Variants in NAALADL2 observed in about 807,000 individuals in gnomAD.
The protein encoded by NAALADL2 is inactive N-acetylated-alpha-linked acidic dipeptidase-like protein 2.
In NAALADL2, 76 loss-of-function variants were observed where a neutral mutation model predicts 87.2. That is an observed-to-expected ratio of 0.87 (90% CI 0.72 to 1.05). The LOEUF (loss-of-function observed/expected upper bound fraction) is 1.05. Ranked by LOEUF, NAALADL2 falls within the 50% of genes least tolerant of loss-of-function variation. NAALADL2 has a pLI of 0.00. For synonymous variants in NAALADL2, 354 were observed against 331.0 expected (o/e 1.07, Z -0.75); for missense variants, 1,089 against 945.8 (o/e 1.15, Z -1.99).
chr3:175,371,298 C>T (rs1482437696), intron 5 of NAALADL2, among the ~76,000 whole-genome samples: 3 of 151,910 alleles, frequency 2.0e-5, no homozygotes, highest in African/African-American at 7.2e-5. Flanking sequence ...ACGGAGTACT[C>T]GCTCTTTCGC....
chr3:175,462,653 G>T (rs1723320342), intron 6 of NAALADL2, among the ~76,000 whole-genome samples: 1 of 152,080 alleles, frequency 6.6e-6, no homozygotes, highest in South Asian at 2.1e-4. Context: ...TCCCAACCCA[G>T]ACTTCTCAGG....
intron 9 of NAALADL2, among the ~76,000 whole-genome samples, chr3:175,512,110 G>T (rs766977702): frequency 6.6e-6 from 1 of 152,054 alleles, no homozygotes; most frequent in Admixed American, 6.6e-5. Flanking sequence ...TTGGCATAGC[G>T]GTGAGTAGCT....
At chr3:175,316,642 C>G (rs957832218) in intron 4 of NAALADL2, among the ~76,000 whole-genome samples, 18 of 152,286 alleles carry the variant, frequency 1.2e-4, no homozygotes, top group Admixed American at 2.0e-4. Flanking sequence ...AATCTGCCAC[C>G]AGCTGAAGCA....
chr3:175,741,976 G>A (rs1745290167), intron 12 of NAALADL2, among the ~76,000 whole-genome samples: 1 of 152,118 alleles, frequency 6.6e-6, no homozygotes, highest in African/African-American at 2.4e-5. Flanking sequence ...AGGAGGGAGG[G>A]GACTTCCATG....
chr3:174,872,074 T>C (rs1368032411), intron 1 of NAALADL2, among the ~76,000 whole-genome samples: 1 of 152,074 alleles, frequency 6.6e-6, no homozygotes, highest in Non-Finnish European at 1.5e-5. Context: ...ACGGTGAACA[T>C]TGTGATTATC....
At chr3:175,323,877 G>T (rs1481734095) in intron 4 of NAALADL2, among the ~76,000 whole-genome samples, 1 of 150,840 alleles carries the variant, frequency 6.6e-6, no homozygotes, top group Admixed American at 6.6e-5. Flanking sequence ...AATTAGCCGG[G>T]TGTGGTGGCA....
At chr3:175,720,812 C>A (rs1214517666) in intron 11 of NAALADL2, among the ~76,000 whole-genome samples, 1 of 151,958 alleles carries the variant, frequency 6.6e-6, no homozygotes, top group East Asian at 1.9e-4. Flanking sequence ...GAATTCTGTA[C>A]TAATCTAAAG....
chr3:174,807,603 AAATTGTG>A (rs1382075054), intron 3 of NAALADL2, among the ~76,000 whole-genome samples: 1 of 152,140 alleles, frequency 6.6e-6, no homozygotes, highest in African/African-American at 2.4e-5. Flanking sequence ...AAGTATATAT[AAATTGTG>A]GAAATACTAG....
intron 2 of NAALADL2, among the ~76,000 whole-genome samples, chr3:174,584,988 G>A (rs1716547635): frequency 6.6e-6 from 1 of 152,042 alleles, no homozygotes; most frequent in Admixed American, 6.6e-5. Context: ...TGTATATTTA[G>A]TAACTCATTC....
intron 1 of NAALADL2, among the ~76,000 whole-genome samples, chr3:174,870,698 C>A (rs1378424142): frequency 1.3e-5 from 2 of 151,990 alleles, no homozygotes; most frequent in Non-Finnish European, 2.9e-5. Context: ...CTATATTTTG[C>A]AGGTGTCCAC....
At chr3:175,638,949 T>C (rs1463574486) in intron 11 of NAALADL2, among the ~76,000 whole-genome samples, 1 of 152,202 alleles carries the variant, frequency 6.6e-6, no homozygotes, top group East Asian at 1.9e-4. Context: ...TTTAGTAGAT[T>C]ACAGTTTCTG....
intron 1 of NAALADL2, among the ~76,000 whole-genome samples, chr3:175,003,278 G>C (rs1748485375): frequency 6.6e-6 from 1 of 152,198 alleles, no homozygotes; most frequent in Non-Finnish European, 1.5e-5. Flanking sequence ...TGTGCTTCAA[G>C]AGACTGAGGC....
In NAALADL2 at chr3:175,049,810, A is replaced by G. The variant is rs143737185; in HGVS notation, c.44-46980A>G. Among the ~76,000 whole-genome samples the G allele has an allele frequency of 3.7e-4, 56 of 152,332 alleles. No homozygotes were observed. In the East Asian group the frequency reaches 0.011, roughly 29 times the overall value. On this transcript the variant is annotated intron_variant, in intron 1 of 13. Coordinates refer to ENST00000454872, the MANE Select transcript of NAALADL2 (RefSeq NM_207015.3). Reference sequence around the variant, plus strand: ...GCTCTCTGGATTCTGTAATAGAGGAAGACAAGAGAGAAAGTAGTTGAGAAA... The same window carrying G: ...GCTCTCTGGATTCTGTAATAGAGGAGGACAAGAGAGAAAGTAGTTGAGAAA...
intron 1 of NAALADL2, among the ~76,000 whole-genome samples, chr3:174,951,213 G>A (rs1204344996): frequency 6.6e-6 from 1 of 151,944 alleles, no homozygotes. Flanking sequence ...GTCATGTTAA[G>A]TTGGGATGTA....
At chr3:174,756,662 A>C (rs1301298383) in intron 3 of NAALADL2, among the ~76,000 whole-genome samples, 2 of 152,238 alleles carry the variant, frequency 1.3e-5, no homozygotes, top group Non-Finnish European at 2.9e-5. Flanking sequence ...TCTGCTTTGC[A>C]CTGAGGGAGA....
At chr3:175,147,043 A>T (rs1036235736) in intron 2 of NAALADL2, among the ~76,000 whole-genome samples, 5 of 152,192 alleles carry the variant, frequency 3.3e-5, no homozygotes, top group Non-Finnish European at 5.9e-5. Context: ...CTCAACTAAG[A>T]TCTTTTGAAG....
intron 4 of NAALADL2, among the ~76,000 whole-genome samples, chr3:175,294,851 A>G (rs539069000): frequency 6.6e-6 from 1 of 152,262 alleles, no homozygotes; most frequent in South Asian, 2.1e-4. Flanking sequence ...AATTATTAGG[A>G]TCAGTAGAGG....
intron 2 of NAALADL2, among the ~76,000 whole-genome samples, chr3:174,642,748 A>C (rs556803662): frequency 4.4e-3 from 173 of 39,620 alleles, no homozygotes; most frequent in Admixed American, 0.021. Flanking sequence ...ATGAAAAAAA[A>C]CATATATATA....
At chr3:174,831,594 C>A (rs991043189) in intron 3 of NAALADL2, among the ~76,000 whole-genome samples, 2 of 150,998 alleles carry the variant, frequency 1.3e-5, no homozygotes, top group South Asian at 4.2e-4. Context: ...CTCTGCCTGG[C>A]TTTGGTATCA....
Sources: allele counts gnomAD v4.1 joint callset (sites outside exome capture counted in the v4.1 genomes callset), GRCh38; gene constraint gnomAD v4.1.1; transcripts MANE v1.5; gene names NCBI Gene and HGNC (gene_info 2026-07-23, HGNC 2026-07-21).